The following PPFIBP2 variants were observed in gnomAD, a reference collection of about 807,000 sequenced individuals.
PPFIBP2 encodes the protein PPFIB scaffold protein 2.
Under a neutral mutation model 118.3 loss-of-function variants are expected in PPFIBP2, and 118 were observed. The observed-to-expected ratio is 1.00, with a 90% confidence interval of 0.86 to 1.16. The LOEUF is 1.16. Among genes scored for constraint, PPFIBP2 ranks in the 50% most tolerant of loss-of-function variants. PPFIBP2 has a pLI of 0.00. For missense variants in PPFIBP2, 1,195 were observed against 1,073.1 expected (o/e 1.11, Z -1.59); for synonymous variants, 414 against 397.4 (o/e 1.04, Z -0.50).
rs529585905 is a variant in PPFIBP2, at chr11:7,606,886, ATTTTTTTTTTTTTTTTTTTTTTTTT to A, written c.487-3387_487-3363del. ...CTGATCAGAAGACAAAACTGCATGA[ATTTTTTTTTTTTTTTTTTTTTTTTT>A]TTTTTTTTTTTTTTTTTGAGACAGA... On this transcript the variant is annotated intron_variant, in intron 5 of 23. Coordinates refer to ENST00000299492, the MANE Select transcript of PPFIBP2 (RefSeq NM_003621.5). Among the ~76,000 whole-genome samples the A allele has an allele frequency of 5.8e-4, 30 of 51,442 alleles. No homozygotes were observed. The South Asian group carries it at 0.014, about 23-fold the overall frequency. 33.7% of individuals were successfully genotyped at this position (51,442 alleles called of 152,430 possible).
At chr11:7,538,475 T>G (rs939297905) in intron 1 of PPFIBP2, 1 of 152,730 alleles carries the variant, frequency 6.5e-6, no homozygotes, top group Admixed American at 6.5e-5. Context: ...CATGGAGCCT[T>G]GCTTAAAGGG....
At chr11:7,650,360 G>T (rs953528598) in intron 21 of PPFIBP2, among the ~76,000 whole-genome samples, 2 of 152,120 alleles carry the variant, frequency 1.3e-5, no homozygotes, top group African/African-American at 4.8e-5. Context: ...TGAATGTCTT[G>T]TATATGTCAG....
chr11:7,525,583 C>A (rs1323038032), intron 1 of PPFIBP2, among the ~76,000 whole-genome samples: 1 of 152,052 alleles, frequency 6.6e-6, no homozygotes, highest in African/African-American at 2.4e-5. Flanking sequence ...GAGAACAGCC[C>A]GGAATCAGGT....
chr11:7,647,496 A>G (rs1196601706), intron 17 of PPFIBP2, among the ~76,000 whole-genome samples: 3 of 152,168 alleles, frequency 2.0e-5, no homozygotes, highest in African/African-American at 7.2e-5. Flanking sequence ...ATCCCCACAC[A>G]TAATCACACA....
intron 3 of PPFIBP2, 77 bp downstream of exon 3, chr11:7,565,844 G>A (rs1301965923): frequency 6.8e-7 from 1 of 1,475,092 alleles, no homozygotes; most frequent in South Asian, 1.2e-5. Context: ...CTGCTGACTG[G>A]GGCTGTTGAG....
intron 3 of PPFIBP2, among the ~76,000 whole-genome samples, chr11:7,590,444 G>T (rs544492380): frequency 6.6e-6 from 1 of 152,252 alleles, no homozygotes; most frequent in South Asian, 2.1e-4. Context: ...ATTGGGGTGG[G>T]GGAGGGACCT....
intron 3 of PPFIBP2, among the ~76,000 whole-genome samples, chr11:7,570,746 T>C (rs1309188752): frequency 6.6e-6 from 1 of 151,612 alleles, no homozygotes; most frequent in Non-Finnish European, 1.5e-5. Flanking sequence ...GGTGAGGGAG[T>C]ATGGAAGGTA....
intron 7 of PPFIBP2, among the ~76,000 whole-genome samples, chr11:7,621,436 A>G (rs902815219): frequency 7.9e-5 from 12 of 152,176 alleles, no homozygotes; most frequent in African/African-American, 2.9e-4. Flanking sequence ...GGCATGCTTT[A>G]TATTTGGCAC....
At chr11:7,625,431 C>G (rs1183938063) in intron 7 of PPFIBP2, among the ~76,000 whole-genome samples, 1 of 152,200 alleles carries the variant, frequency 6.6e-6, no homozygotes, top group East Asian at 1.9e-4. Context: ...CCAGAATATC[C>G]TCCTCTGCAC....
chr11:7,536,775 C>A (rs899153685), intron 1 of PPFIBP2, among the ~76,000 whole-genome samples: 1 of 151,964 alleles, frequency 6.6e-6, no homozygotes, highest in South Asian at 2.1e-4. Flanking sequence ...GGAGAGTGAG[C>A]GTAAGTTGTG....
At position 7,595,013 on chromosome 11, in the gene PPFIBP2, G is replaced by A. The variant is rs567204898; in HGVS notation, c.372+1789G>A. ...GTGCTGGTAAGAACGCTGGAAAAAA[G>A]TAAAGCAGGATGAGGATTGTGTAGT... On this transcript the variant is annotated intron_variant, in intron 4 of 23. Transcript: ENST00000299492. 3.4e-4 allele frequency among the ~76,000 whole-genome samples: 51 copies of A among 151,524 alleles called. 1 individual carries two copies. In the South Asian group the frequency reaches 9.0e-3, roughly 27 times the overall value.
At chr11:7,529,922 T>A (rs1022999603) in intron 1 of PPFIBP2, among the ~76,000 whole-genome samples, 35 of 152,218 alleles carry the variant, frequency 2.3e-4, no homozygotes, top group African/African-American at 8.4e-4. Context: ...CAGGTACTGC[T>A]AGAGAGACGC....
Position 7,620,949 on chromosome 11 carries a change from G to A in PPFIBP2, c.633G>A (p.Glu211=), listed in dbSNP as rs766084894. The A allele has an allele frequency of 6.2e-7, 1 of 1,610,670 alleles. No homozygotes were observed. Among genetic ancestry groups the A allele is most frequent in the African/African-American group, 1.3e-5 (1 of 74,918 alleles). ...KQRKAEELLQ[E]LRHLKIKVEE... is the part of the protein sequence containing the mutation. ...TCATCCCCTAGGAGTTACTGCAAGA[G>A]CTCAGGCACCTCAAAATCAAAGTGG... is the stretch of plus-strand genomic sequence containing the variant. The change falls in exon 7 of 24, where the codon GAG becomes GAA. Residue 211 remains glutamate (E), a synonymous_variant. Transcript: ENST00000299492.
chr11:7,603,970 C>G (rs1393461200), intron 5 of PPFIBP2, among the ~76,000 whole-genome samples: 2 of 152,154 alleles, frequency 1.3e-5, no homozygotes, highest in Admixed American at 1.3e-4. Flanking sequence ...GCTGCCTCCC[C>G]TCAACTCCCT....
At chr11:7,580,251 G>A (rs796415300) in intron 3 of PPFIBP2, among the ~76,000 whole-genome samples, 7 of 152,178 alleles carry the variant, frequency 4.6e-5, no homozygotes, top group African/African-American at 1.7e-4. Flanking sequence ...AACCTCTGCT[G>A]GCCCTCCCTC....
chr11:7,568,578 A>G (rs985472793), intron 3 of PPFIBP2, among the ~76,000 whole-genome samples: 1 of 152,192 alleles, frequency 6.6e-6, no homozygotes, highest in Non-Finnish European at 1.5e-5. Flanking sequence ...AGGCTGGGAA[A>G]GCAAGTATTG....
intron 4 of PPFIBP2, among the ~76,000 whole-genome samples, chr11:7,596,802 C>G (rs4312055): frequency 1.3e-5 from 2 of 151,872 alleles, no homozygotes; most frequent in Admixed American, 6.6e-5. Flanking sequence ...ATCCTGGGGC[C>G]GTTTGCTAAT....
chr11:7,564,225 T>A (rs760422685), intron 2 of PPFIBP2, among the ~76,000 whole-genome samples: 6 of 152,070 alleles, frequency 3.9e-5, no homozygotes, highest in Non-Finnish European at 8.8e-5. Flanking sequence ...TAGAAAGAGC[T>A]GACCCAATAT....
chr11:7,655,358 C>T (rs765538894), downstream of PPFIBP2: 24 of 1,155,398 alleles, frequency 2.1e-5, no homozygotes, highest in Non-Finnish European at 2.5e-5. Flanking sequence ...TTGAGCACGA[C>T]AGGACTTGCA....
Sources: gnomAD v4.1 joint callset for allele counts (sites outside exome capture counted in the v4.1 genomes callset) on GRCh38, gnomAD v4.1.1 for gene constraint, MANE v1.5 for transcripts, NCBI Gene and HGNC (gene_info 2026-07-23, HGNC 2026-07-21) for gene names.